The following THAP6 variants were observed in gnomAD, a reference collection of about 807,000 sequenced individuals.
The protein encoded by THAP6 is THAP domain-containing protein 6.
A neutral mutation model predicts 20.0 loss-of-function variants in THAP6; 13 were observed. The observed-to-expected ratio is 0.65, with a 90% CI of 0.42 to 1.03. The LOEUF is 1.03. THAP6 is among the 50% of genes least tolerant of loss of function. THAP6 has a pLI of 0.00. For synonymous variants in THAP6, 93 were observed against 92.2 expected, an observed-to-expected ratio of 1.01 and a Z score of -0.05; for missense variants, 262 against 261.6, an observed-to-expected ratio of 1.00 and a Z score of -0.01.
intron 2 of THAP6, among the ~76,000 whole-genome samples, chr4:75,516,343 C>G (rs546034283): frequency 6.6e-6 from 1 of 152,298 alleles, no homozygotes; most frequent in African/African-American, 2.4e-5. Flanking sequence ...AAATGCTGTA[C>G]TAAGCAATTT....
downstream of THAP6, among the ~76,000 whole-genome samples, chr4:75,531,461 C>T (rs932459811): frequency 6.6e-6 from 1 of 152,182 alleles, no homozygotes; most frequent in Non-Finnish European, 1.5e-5. Context: ...ATAATCATAG[C>T]CTTGAGTACA....
intron 3 of THAP6, among the ~76,000 whole-genome samples, chr4:75,518,123 G>A (rs1725777893): frequency 6.6e-6 from 1 of 152,144 alleles, no homozygotes; most frequent in Non-Finnish European, 1.5e-5. Flanking sequence ...AGTTGGTCTA[G>A]GGCTTTTGTT....
intron 4 of THAP6, 37 bp downstream of exon 4, chr4:75,521,898 T>C: frequency 1.2e-6 from 2 of 1,612,258 alleles, no homozygotes; most frequent in South Asian, 2.2e-5. Flanking sequence ...GTTAATTCTT[T>C]TAAGATGAAT....
At chr4:75,534,332 A>G (rs528068959), downstream of THAP6, among the ~76,000 whole-genome samples, 1 of 152,356 alleles carries the variant, frequency 6.6e-6, no homozygotes, top group East Asian at 1.9e-4. Flanking sequence ...TATTTAACAA[A>G]TGGTGCTGGG....
chr4:75,543,292 A>G (rs1727054247), intron 3 of THAP6, among the ~76,000 whole-genome samples: 2 of 152,340 alleles, frequency 1.3e-5, no homozygotes, highest in Admixed American at 1.3e-4. Flanking sequence ...GTGATTTGCT[A>G]CTATAGTATA....
rs1334091944 is a variant in THAP6 at position 75,529,399 on chromosome 4, C to T, written c.*2185C>T. On this transcript the variant is annotated 3_prime_UTR_variant, in exon 5 of 5. Coordinates refer to ENST00000311638, the MANE Select transcript of THAP6 (RefSeq NM_144721.6). Reference sequence around the variant, plus strand: ...TTACTACTTGTGTTCATAGTAGACTCAGCACTTCTTTTTCACTGGACCTAG... The same window carrying T: ...TTACTACTTGTGTTCATAGTAGACTTAGCACTTCTTTTTCACTGGACCTAG... The T allele has an allele frequency of 1.0e-6, 1 of 985,270 alleles. No individual in the cohort carries two copies. Among genetic ancestry groups the T allele is most frequent in the African/African-American group, 1.7e-5 (1 of 57,214 alleles). The allele number at this position is 985,270 out of a possible 1,614,324, so 61.0% of individuals were successfully genotyped here.
At chr4:75,531,498 T>C (rs1005236736), downstream of THAP6, among the ~76,000 whole-genome samples, 2 of 152,202 alleles carry the variant, frequency 1.3e-5, no homozygotes, top group Non-Finnish European at 2.9e-5. Flanking sequence ...TGTGAGTCCT[T>C]CTAGTGAATC....
chr4:75,523,800 CAAAAAAAAAAAAA>C (rs74684663), intron 4 of THAP6, among the ~76,000 whole-genome samples: 1 of 72,746 alleles, frequency 1.4e-5, no homozygotes, highest in Non-Finnish European at 3.1e-5. Flanking sequence ...GAACCTGTCT[CAAAAAAAAAAAAA>C]AAAAAAAAGA....
Position 75,515,599 on chromosome 4 carries a change from T to C in THAP6, c.80+67T>C, listed in dbSNP as rs545941985. The C allele has an allele frequency of 4.7e-5, 71 of 1,520,148 alleles. No individual in the cohort carries two copies. The South Asian group carries it at 7.6e-4, about 16-fold the overall frequency. 94.2% of individuals were successfully genotyped at this position (1,520,148 alleles called of 1,614,324 possible). A position where few individuals can be genotyped will look rare whatever the true frequency, so the allele number is the denominator to read the frequency against. On this transcript the variant is annotated intron_variant, in intron 2 of 4. Transcript: ENST00000311638. Reference sequence around the variant, plus strand: ...TATAAAAAGCAAAAGACAGTTCTACTTAAGTCTTCAATTTTGAACTTTAGT... The same window carrying C: ...TATAAAAAGCAAAAGACAGTTCTACCTAAGTCTTCAATTTTGAACTTTAGT...
intron 4 of THAP6, chr4:75,522,639 T>C (rs1257181366): frequency 6.6e-6 from 1 of 152,174 alleles, no homozygotes. Context: ...CCTGTCCCTG[T>C]GGGTTCAGTT....
downstream of THAP6, among the ~76,000 whole-genome samples, chr4:75,532,675 T>G (rs1361504632): frequency 1.3e-5 from 2 of 152,172 alleles, no homozygotes; most frequent in Non-Finnish European, 2.9e-5. Context: ...CATCTGAAAT[T>G]TAGGCGGAGA....
intron 2 of THAP6, among the ~76,000 whole-genome samples, chr4:75,538,686 C>T (rs1201924351): frequency 1.3e-5 from 2 of 152,298 alleles, no homozygotes; most frequent in East Asian, 3.9e-4. Context: ...CCTCAAACTT[C>T]ATTTAATATT....
intron 2 of THAP6, among the ~76,000 whole-genome samples, chr4:75,535,756 T>C (rs1726832419): frequency 6.6e-6 from 1 of 152,290 alleles, no homozygotes; most frequent in South Asian, 2.1e-4. Context: ...TTTGTACCTT[T>C]TGCATTAGAT....
chr4:75,523,428 T>A (rs1238158317), intron 4 of THAP6, among the ~76,000 whole-genome samples: 2 of 152,220 alleles, frequency 1.3e-5, no homozygotes, highest in African/African-American at 2.4e-5. Flanking sequence ...ATTGTTTCCT[T>A]TGCTGTGCAG....
At chr4:75,523,004 A>G (rs1726126485) in intron 4 of THAP6, among the ~76,000 whole-genome samples, 1 of 152,088 alleles carries the variant, frequency 6.6e-6, no homozygotes, top group Non-Finnish European at 1.5e-5. Flanking sequence ...CAGTAGCTCT[A>G]TTTTAGTTTT....
chr4:75,527,425 T>A lies in THAP6; in HGVS notation c.*211T>A. ...TTTGTGTCTTGTGACAATTATGTTT[T>A]ATAGACCTACACTAGTGCCAGGTCA... On this transcript the variant is annotated 3_prime_UTR_variant, in exon 5 of 5. Coordinates refer to ENST00000311638, the MANE Select transcript of THAP6 (RefSeq NM_144721.6). The A allele has an allele frequency of 7.3e-7, 1 of 1,365,708 alleles. No homozygotes were observed. Among genetic ancestry groups the A allele is most frequent in the Non-Finnish European group, 9.4e-7 (1 of 1,060,358 alleles). The allele number at this position is 1,365,708 out of a possible 1,614,324, so 84.6% of individuals were successfully genotyped here.
rs1726560707 is a variant in THAP6 at position 75,529,052 on chromosome 4, C to CA, written c.*1845dup. On this transcript the variant is annotated 3_prime_UTR_variant, in exon 5 of 5. Transcript: ENST00000311638. The stretch of plus-strand genomic sequence containing the variant: ...TGAGCAACAGAGCAAGACTCCATCT[C>CA]AAAAAAACAAAACTACTTTCATTAA... The CA allele has an allele frequency of 4.4e-6, 4 of 917,556 alleles. No homozygotes were observed. Among genetic ancestry groups the CA allele is most frequent in the Non-Finnish European group, 5.2e-6 (4 of 768,370 alleles). The allele number at this position is 917,556 out of a possible 1,614,324, so 56.8% of individuals were successfully genotyped here.
At chr4:75,531,900 G>GTCCCTCCCACTGA (rs1726692540), downstream of THAP6, among the ~76,000 whole-genome samples, 1 of 151,598 alleles carries the variant, frequency 6.6e-6, no homozygotes, top group Non-Finnish European at 1.5e-5. Flanking sequence ...TCTCCCACTG[G>GTCCCTCCCACTGA]GTCCCTCCCA....
chr4:75,523,883 GTT>G (rs1254275991), intron 4 of THAP6, among the ~76,000 whole-genome samples: 1 of 151,078 alleles, frequency 6.6e-6, no homozygotes, highest in Admixed American at 6.6e-5. Flanking sequence ...TCTTGTAGTC[GTT>G]TCATAGTTTG....
Sources: gnomAD v4.1 joint callset for allele counts (sites outside exome capture counted in the v4.1 genomes callset) on GRCh38, gnomAD v4.1.1 for gene constraint, MANE v1.5 for transcripts, NCBI Gene and HGNC (gene_info 2026-07-23, HGNC 2026-07-21) for gene names.